EPS15: variants seen among roughly 807,000 people sequenced by gnomAD.
EPS15 encodes epidermal growth factor receptor substrate 15.
EPS15 carries 72 observed loss-of-function variants against 113.8 expected under a neutral mutation model. The observed-to-expected ratio is 0.63, with a 90% CI of 0.52 to 0.77. The LOEUF is 0.77. Ranked by LOEUF, EPS15 falls within the 30% of genes least tolerant of loss-of-function variation. The pLI is 0.00. For missense variants in EPS15, 1,048 were observed against 1,045.8 expected, an observed-to-expected ratio of 1.00 and a Z score of -0.03; for synonymous variants, 344 against 363.4, an observed-to-expected ratio of 0.95 and a Z score of 0.61.
intron 1 of EPS15, among the ~76,000 whole-genome samples, chr1:51,515,481 CAAAA>C (rs111828890): frequency 8.7e-6 from 1 of 115,396 alleles, no homozygotes; most frequent in Non-Finnish European, 2.0e-5. Flanking sequence ...CAAAACAAAA[CAAAA>C]AAAAAAAAAA....
intron 12 of EPS15, among the ~76,000 whole-genome samples, chr1:51,436,289 T>C (rs1652145514): frequency 6.6e-6 from 1 of 152,120 alleles, no homozygotes; most frequent in Non-Finnish European, 1.5e-5. Flanking sequence ...GTATTTTATA[T>C]ATCAGTTGGA....
At chr1:51,366,792 C>T (rs1453887959) in intron 21 of EPS15, among the ~76,000 whole-genome samples, 1 of 152,110 alleles carries the variant, frequency 6.6e-6, no homozygotes, top group African/African-American at 2.4e-5. Flanking sequence ...ACTTAGGTGT[C>T]ACTACTTCCC....
intron 10 of EPS15, among the ~76,000 whole-genome samples, chr1:51,446,485 T>C (rs187495104): frequency 0.03 from 4,423 of 148,986 alleles, 75 homozygotes; most frequent in African/African-American, 0.05. Flanking sequence ...TGGAGTTTCA[T>C]TCTTGTTGCC....
intron 21 of EPS15, among the ~76,000 whole-genome samples, chr1:51,371,797 A>T (rs2148362300): frequency 6.6e-6 from 1 of 152,302 alleles, no homozygotes. Context: ...ATTCACTATT[A>T]CTTGACTCAC....
In EPS15 at chr1:51,407,572, T is replaced by C. The variant is rs142490441; in HGVS notation, c.1473+563A>G. Among the ~76,000 whole-genome samples, 552 of 152,326 alleles carry C rather than the reference T, an allele frequency of 3.6e-3. 3 individuals carry two copies. The highest frequency in any genetic ancestry group is 0.012 in the African/African-American group (509 of 41,568). Reference sequence around the variant, plus strand: ...ACCTGGAAATAAAGCAAAGGATCTATACATAAGACCAACTATAACACTGCA... The same window carrying C: ...ACCTGGAAATAAAGCAAAGGATCTACACATAAGACCAACTATAACACTGCA... On this transcript the variant is annotated intron_variant, in intron 15 of 24. Coordinates refer to ENST00000371733, the MANE Select transcript of EPS15 (RefSeq NM_001981.3).
At chr1:51,376,290 C>G (rs1646796498) in intron 21 of EPS15, among the ~76,000 whole-genome samples, 1 of 152,192 alleles carries the variant, frequency 6.6e-6, no homozygotes, top group South Asian at 2.1e-4. Context: ...GATGACAGCA[C>G]AGCTGTTTAT....
rs566041004 is a variant in EPS15, at chr1:51,401,913, C to T, written c.1882+522G>A. On this transcript the variant is annotated intron_variant, in intron 18 of 24. Transcript: ENST00000371733. ...CAGCACTTTGGGAGGCCAACGTGGG[C>T]GGATCACGAGGTCAAGAGATGGAGA... 7.2e-5 allele frequency among the ~76,000 whole-genome samples: 11 copies of T among 152,248 alleles called. No individual in the cohort carries two copies. In the South Asian group the frequency reaches 1.9e-3, roughly 26 times the overall value.
intron 12 of EPS15, among the ~76,000 whole-genome samples, chr1:51,429,931 G>A (rs1444318221): frequency 6.6e-6 from 1 of 152,156 alleles, no homozygotes; most frequent in African/African-American, 2.4e-5. Context: ...GATTACAGGT[G>A]TGAGCCATCG....
intron 2 of EPS15, among the ~76,000 whole-genome samples, chr1:51,475,437 A>G (rs1214808756): frequency 2.0e-5 from 3 of 152,134 alleles, no homozygotes; most frequent in African/African-American, 4.8e-5. Context: ...CAGTGATGAC[A>G]AGCATTTTTT....
At chr1:51,362,533 T>C (rs1299228474) in intron 23 of EPS15, among the ~76,000 whole-genome samples, 1 of 152,234 alleles carries the variant, frequency 6.6e-6, no homozygotes, top group African/African-American at 2.4e-5. Flanking sequence ...AAAACTTAAA[T>C]GTGCAAATTA....
chr1:51,470,653 A>T, intron 4 of EPS15, among the ~76,000 whole-genome samples: 1 of 149,738 alleles, frequency 6.7e-6, no homozygotes, highest in Admixed American at 6.6e-5. Flanking sequence ...TCTCAAAAAA[A>T]AAAAAAAAAA....
At chr1:51,430,977 TACACACACACACAC>T (rs67920039) in intron 12 of EPS15, among the ~76,000 whole-genome samples, 90 of 122,086 alleles carry the variant, frequency 7.4e-4, no homozygotes, top group South Asian at 2.3e-3. Context: ...ATTACTTACA[TACACACACACACAC>T]ACACACACAC....
intron 21 of EPS15, among the ~76,000 whole-genome samples, chr1:51,392,376 T>C (rs1166487259): frequency 6.6e-6 from 1 of 152,194 alleles, no homozygotes; most frequent in East Asian, 1.9e-4. Context: ...AAGTGTTCAA[T>C]AAATAGTAGC....
chr1:51,469,866 C>A (rs565333450), intron 4 of EPS15, among the ~76,000 whole-genome samples: 1 of 151,236 alleles, frequency 6.6e-6, no homozygotes, highest in East Asian at 1.9e-4. Flanking sequence ...AATAGAATAG[C>A]CTTAAAAAAA....
intron 8 of EPS15, among the ~76,000 whole-genome samples, chr1:51,454,657 C>G (rs1653839863): frequency 6.6e-6 from 1 of 152,132 alleles, no homozygotes; most frequent in African/African-American, 2.4e-5. Flanking sequence ...AAAAGCAAGG[C>G]AAGACTGACA....
chr1:51,450,675 C>T (rs911120324), intron 8 of EPS15, among the ~76,000 whole-genome samples: 59 of 151,804 alleles, frequency 3.9e-4, no homozygotes, highest in Non-Finnish European at 6.9e-4. Context: ...CTGGCAACAT[C>T]TACCAAATTG....
At chr1:51,437,222 G>C (rs904359271) in intron 12 of EPS15, among the ~76,000 whole-genome samples, 15 of 151,902 alleles carry the variant, frequency 9.9e-5, no homozygotes, top group Non-Finnish European at 1.3e-4. Context: ...CAATAACAAA[G>C]AACATTCTTC....
intron 5 of EPS15, 93 bp downstream of exon 5, chr1:51,468,380 G>A (rs1174671476): frequency 1.1e-6 from 1 of 938,420 alleles, no homozygotes; most frequent in Non-Finnish European, 1.7e-6. Flanking sequence ...GCCAAAGGGA[G>A]AATTCCTTTT....
intron 1 of EPS15, among the ~76,000 whole-genome samples, chr1:51,493,577 TAA>T (rs1202618612): frequency 2.3e-4 from 31 of 133,078 alleles, no homozygotes; most frequent in Middle Eastern, 3.6e-3. Context: ...AATAAATAAA[TAA>T]AAATAAAGCT....
Sources: allele counts gnomAD v4.1 joint callset (sites outside exome capture counted in the v4.1 genomes callset), GRCh38; gene constraint gnomAD v4.1.1; transcripts MANE v1.5; gene names NCBI Gene and HGNC (gene_info 2026-07-23, HGNC 2026-07-21).